CECR2: variants seen among roughly 807,000 people sequenced by gnomAD.
The protein encoded by CECR2 is chromatin remodeling regulator CECR2.
In CECR2, 30 loss-of-function variants were observed where a neutral mutation model predicts 154.5. That is an observed-to-expected ratio of 0.19 (90% confidence interval 0.15 to 0.26). The LOEUF (loss-of-function observed/expected upper bound fraction) is 0.26, where lower values mean the gene tolerates loss of function less well. Ranked by LOEUF, CECR2 falls within the 10% of genes least tolerant of loss-of-function variation. The probability of loss-of-function intolerance (pLI) is 1.00; values close to 1 mark genes in which losing one functional copy is unlikely to be tolerated. For missense variants in CECR2, 1,743 were observed against 1,829.3 expected, an observed-to-expected ratio of 0.95 and a Z score of 0.86; for synonymous variants, 725 against 683.7, an observed-to-expected ratio of 1.06 and a Z score of -0.94.
intron 8 of CECR2, among the ~76,000 whole-genome samples, chr22:17,523,497 C>T (rs1371306430): frequency 6.6e-6 from 1 of 151,956 alleles, no homozygotes; most frequent in Non-Finnish European, 1.5e-5. Flanking sequence ...TGGCTCACAC[C>T]TATAATCCCT....
chr22:17,552,767 T>A, intron 18 of CECR2, 68 bp from the exon 19 acceptor site: 2 of 1,080,824 alleles, frequency 1.9e-6, no homozygotes, highest in Non-Finnish European at 2.6e-6. Flanking sequence ...TTCTTTGGCT[T>A]ACTTAAGTTT....
intron 9 of CECR2, among the ~76,000 whole-genome samples, chr22:17,527,786 A>G (rs1048469983): frequency 4.0e-5 from 6 of 149,618 alleles, no homozygotes; most frequent in African/African-American, 1.5e-4. Flanking sequence ...AAAAAAAAAA[A>G]GCAAACAAGC....
intron 7 of CECR2, among the ~76,000 whole-genome samples, chr22:17,509,761 T>C (rs979763035): frequency 6.6e-6 from 1 of 152,178 alleles, no homozygotes; most frequent in Non-Finnish European, 1.5e-5. Context: ...TCCCATTGTT[T>C]ATGGTAGTGG....
chr22:17,403,833 T>A lies in CECR2; in HGVS notation c.126+33924T>A, dbSNP rs2053932953. Among the ~76,000 whole-genome samples the A allele has an allele frequency of 4.6e-5, 3 of 65,750 alleles. No individual in the cohort carries two copies. The South Asian group carries it at 1.2e-3, about 26-fold the overall frequency. The allele number at this position is 65,750 out of a possible 152,430, so 43.1% of individuals were successfully genotyped here. A position where few individuals can be genotyped will look rare whatever the true frequency, so the allele number is the denominator to read the frequency against. On this transcript the variant is annotated intron_variant, in intron 1 of 18. Coordinates refer to ENST00000262608, the MANE Select transcript of CECR2 (RefSeq NM_001290047.2). The stretch of plus-strand genomic sequence containing the variant: ...CTTACATTTTCTTCTAGAAGTTTTA[T>A]TGTTTTAGATTTACCATTTAAGTCT...
intron 1 of CECR2, among the ~76,000 whole-genome samples, chr22:17,475,557 G>C (rs1397568878): frequency 6.6e-6 from 1 of 152,046 alleles, no homozygotes; most frequent in Non-Finnish European, 1.5e-5. Context: ...CCTCCCAAGT[G>C]TCTGGGACTG....
chr22:17,517,854 C>T (rs1274580469), intron 8 of CECR2, among the ~76,000 whole-genome samples: 1 of 152,128 alleles, frequency 6.6e-6, no homozygotes, highest in East Asian at 1.9e-4. Flanking sequence ...TGCGTTTATT[C>T]TTCATTTACC....
intron 17 of CECR2, among the ~76,000 whole-genome samples, chr22:17,551,339 T>C (rs1383961423): frequency 6.6e-6 from 1 of 152,256 alleles, no homozygotes; most frequent in Non-Finnish European, 1.5e-5. Context: ...TTTTATTGTT[T>C]TTTTCTGATA....
At chr22:17,486,630 A>G (rs887661911) in intron 2 of CECR2, among the ~76,000 whole-genome samples, 2 of 152,224 alleles carry the variant, frequency 1.3e-5, no homozygotes, top group African/African-American at 4.8e-5. Flanking sequence ...AAACTAGGCC[A>G]TTAGAAAGAA....
intron 1 of CECR2, among the ~76,000 whole-genome samples, chr22:17,382,397 G>A (rs894716107): frequency 1.3e-5 from 2 of 152,112 alleles, no homozygotes; most frequent in African/African-American, 4.8e-5. Flanking sequence ...AGAACAGACT[G>A]GAAGAAGAAA....
chr22:17,553,175 TA>T lies in CECR2; in HGVS notation c.*336del. The T allele has an allele frequency of 3.8e-6, 1 of 262,660 alleles. No individual in the cohort carries two copies. Among genetic ancestry groups the T allele is most frequent in the Non-Finnish European group, 7.0e-6 (1 of 142,566 alleles). The allele number at this position is 262,660 out of a possible 1,614,324, so 16.3% of individuals were successfully genotyped here. A position where few individuals can be genotyped will look rare whatever the true frequency, so the allele number is the denominator to read the frequency against. On this transcript the variant is annotated 3_prime_UTR_variant, in exon 19 of 19. Coordinates refer to ENST00000262608, the MANE Select transcript of CECR2 (RefSeq NM_001290047.2). Reference sequence around the variant, plus strand: ...ATCACTTTAAACTTGGGGGAGGGGGTATACTCAAGAATGGAGTGGTGCTTTT... The same window carrying T: ...ATCACTTTAAACTTGGGGGAGGGGGTTACTCAAGAATGGAGTGGTGCTTTT...
At chr22:17,439,416 TTAAGAA>T (rs1413988412) in intron 1 of CECR2, among the ~76,000 whole-genome samples, 1 of 151,922 alleles carries the variant, frequency 6.6e-6, no homozygotes, top group East Asian at 1.9e-4. Flanking sequence ...AGCAACAGAT[TTAAGAA>T]AAAAGTATTT....
Position 17,384,146 on chromosome 22 carries a change from T to C in CECR2, c.126+14237T>C, listed in dbSNP as rs142661155. ...TCCCATGAATTATGAATGTTCTTAA[T>C]GGCATCTAGAATCATGAATCCTTTC... is the stretch of plus-strand genomic sequence containing the variant. On this transcript the variant is annotated intron_variant, in intron 1 of 18. Transcript: ENST00000262608. 7.0e-3 allele frequency among the ~76,000 whole-genome samples: 1,074 copies of C among 152,362 alleles called. 11 individuals carry two copies. The highest frequency in any genetic ancestry group is 0.025 in the African/African-American group (1,032 of 41,574).
At chr22:17,429,330 T>C (rs2146629781) in intron 1 of CECR2, among the ~76,000 whole-genome samples, 1 of 151,916 alleles carries the variant, frequency 6.6e-6, no homozygotes, top group South Asian at 2.1e-4. Context: ...TCAGAATAGG[T>C]ATTTTGGATA....
intron 1 of CECR2, among the ~76,000 whole-genome samples, chr22:17,449,003 C>T (rs924517820): frequency 3.3e-5 from 5 of 151,976 alleles, no homozygotes; most frequent in Admixed American, 2.6e-4. Context: ...CTCAGCCTCC[C>T]GAGTAGCTGG....
At chr22:17,461,793 T>G (rs1437828834) in intron 1 of CECR2, among the ~76,000 whole-genome samples, 1 of 119,340 alleles carries the variant, frequency 8.4e-6, no homozygotes, top group African/African-American at 3.6e-5. Context: ...TACCCGTTAC[T>G]TTTTTTTTTT....
intron 8 of CECR2, among the ~76,000 whole-genome samples, chr22:17,523,313 G>T (rs1324064583): frequency 6.6e-6 from 1 of 151,470 alleles, no homozygotes; most frequent in African/African-American, 2.4e-5. Context: ...GAACTGGGAG[G>T]CAGAGGTTGT....
intron 1 of CECR2, among the ~76,000 whole-genome samples, chr22:17,383,452 T>C (rs546407994): frequency 6.6e-6 from 1 of 152,302 alleles, no homozygotes; most frequent in East Asian, 1.9e-4. Context: ...TCTAAATCTT[T>C]TGTTGTCATT....
rs1376565759 is a variant in CECR2, at chr22:17,554,796, A to G, written c.*1956A>G. 2 of 152,366 alleles carry G rather than the reference A, an allele frequency of 1.3e-5. No individual in the cohort carries two copies. Among genetic ancestry groups the G allele is most frequent in the South Asian group, 2.1e-4 (1 of 4,832 alleles). 9.4% of individuals were successfully genotyped at this position (152,366 alleles called of 1,614,324 possible). ...GGCATAACCTGGTTTAGAAGAGTGAAGAGGACAGAAGGATTGTGGATGGGT... is the reference window on the plus strand; with the variant it reads ...GGCATAACCTGGTTTAGAAGAGTGAGGAGGACAGAAGGATTGTGGATGGGT... On this transcript the variant is annotated 3_prime_UTR_variant, in exon 19 of 19. Transcript: ENST00000262608.
chr22:17,395,076 C>G (rs758686480), intron 1 of CECR2, among the ~76,000 whole-genome samples: 1 of 152,180 alleles, frequency 6.6e-6, no homozygotes, highest in Non-Finnish European at 1.5e-5. Context: ...GTATCTAACC[C>G]CAGTGTTGCC....
Sources: allele counts gnomAD v4.1 joint callset (sites outside exome capture counted in the v4.1 genomes callset), GRCh38; gene constraint gnomAD v4.1.1; transcripts MANE v1.5; gene names NCBI Gene and HGNC (gene_info 2026-07-23, HGNC 2026-07-21).